Variants in TSG101 observed in about 807,000 individuals in gnomAD.
The protein encoded by TSG101 is tumor susceptibility gene 101 protein.
In TSG101, 19 loss-of-function variants were observed where a neutral mutation model predicts 48.5. That is an observed-to-expected ratio of 0.39 (90% CI 0.27 to 0.58). TSG101 has a LOEUF of 0.58. TSG101 is among the 20% of genes least tolerant of loss of function. TSG101 has a pLI of 0.55. For missense variants in TSG101, 365 were observed against 484.4 expected, an observed-to-expected ratio of 0.75 and a Z score of 2.31; for synonymous variants, 174 against 169.4, an observed-to-expected ratio of 1.03 and a Z score of -0.21.
intron 7 of TSG101, among the ~76,000 whole-genome samples, chr11:18,495,719 G>A (rs536244990): frequency 3.5e-5 from 5 of 143,922 alleles, no homozygotes; most frequent in South Asian, 2.2e-4. Context: ...ATTATTCACC[G>A]ACTACCACCT....
intron 9 of TSG101, 23 bp from the exon 10 acceptor site, chr11:18,480,658 A>ATAGTT (rs755845440): frequency 2.5e-6 from 4 of 1,604,524 alleles, no homozygotes; most frequent in East Asian, 2.2e-5. Flanking sequence ...AAAAGTTTGA[A>ATAGTT]TAGTTTAGAA....
At chr11:18,489,347 G>A (rs1420005129) in intron 7 of TSG101, among the ~76,000 whole-genome samples, 1 of 151,788 alleles carries the variant, frequency 6.6e-6, no homozygotes. Flanking sequence ...CGATCCTCCT[G>A]CCTCGGCCTC....
At chr11:18,495,604 T>C (rs1263671039) in intron 7 of TSG101, among the ~76,000 whole-genome samples, 2 of 152,100 alleles carry the variant, frequency 1.3e-5, no homozygotes, top group Non-Finnish European at 2.9e-5. Flanking sequence ...GTTTATGTTT[T>C]GCTCCTACAG....
intron 1 of TSG101, among the ~76,000 whole-genome samples, chr11:18,525,028 A>G (rs1461046985): frequency 1.3e-5 from 2 of 149,964 alleles, no homozygotes; most frequent in Non-Finnish European, 3.0e-5. Flanking sequence ...CTCCCATCTC[A>G]GCCTCCCGAG....
chr11:18,490,426 T>A, intron 7 of TSG101: 1 of 579,574 alleles, frequency 1.7e-6, no homozygotes, highest in Non-Finnish European at 3.3e-6. Context: ...GAGTTTAGAA[T>A]CTCATAGTAA....
At chr11:18,524,745 G>C (rs1159180973) in intron 1 of TSG101, among the ~76,000 whole-genome samples, 1 of 152,038 alleles carries the variant, frequency 6.6e-6, no homozygotes, top group African/African-American at 2.4e-5. Flanking sequence ...TGGGTGGAGG[G>C]GAAGGCAGGT....
At chr11:18,490,946 T>A (rs961009881) in intron 7 of TSG101, 1 of 329,862 alleles carries the variant, frequency 3.0e-6, no homozygotes, top group Non-Finnish European at 6.0e-6. Context: ...CCAGCTCACT[T>A]TTATCCAGTC....
chr11:18,503,281 G>A lies in TSG101; in HGVS notation c.549-704C>T, dbSNP rs555131718. ...ATAGGAGTCCTAAATTTGCATTTTG[G>A]AAGACACTCAACTATTTGGAGACTC... is the stretch of plus-strand genomic sequence containing the variant. On this transcript the variant is annotated intron_variant, in intron 6 of 9. Transcript: ENST00000251968. Among the ~76,000 whole-genome samples, 6 of 152,024 alleles carry A rather than the reference G, an allele frequency of 3.9e-5. No homozygotes were observed. The South Asian group carries it at 1.2e-3, about 32-fold the overall frequency.
chr11:18,490,832 T>C lies in TSG101; in HGVS notation c.641-6760A>G, dbSNP rs534675707. On this transcript the variant is annotated intron_variant, in intron 7 of 9. Transcript: ENST00000251968. ...GTTCTTGTAGGCAACAGAGAGCAGA[T>C]TTCTCTCTTCGTTGGAGTATTCATG... is the stretch of plus-strand genomic sequence containing the variant. 8.8e-5 allele frequency: 48 copies of C among 545,584 alleles called. 1 individual carries two copies. Among genetic ancestry groups the C allele is most frequent in the South Asian group, 7.0e-4 (47 of 67,328 alleles). 33.8% of individuals were successfully genotyped at this position (545,584 alleles called of 1,614,324 possible).
chr11:18,503,461 T>C (rs11024690), intron 6 of TSG101, among the ~76,000 whole-genome samples: 55,230 of 150,390 alleles, frequency 0.37, 10,648 homozygotes, highest in East Asian at 0.66. Flanking sequence ...CAAGCTCCAC[T>C]TCCTGGGTTC....
chr11:18,523,584 C>G (rs1850316632), intron 1 of TSG101, among the ~76,000 whole-genome samples: 2 of 152,154 alleles, frequency 1.3e-5, no homozygotes, highest in South Asian at 4.1e-4. Flanking sequence ...CTCACTGCAA[C>G]CTCTGCCTCC....
rs1412199504 is a variant in TSG101, at chr11:18,490,878, CG to C, written c.641-6807del. 5.8e-6 allele frequency: 3 copies of C among 514,114 alleles called. No individual in the cohort carries two copies. In the East Asian group the frequency reaches 1.5e-4, roughly 26 times the overall value. 31.8% of individuals were successfully genotyped at this position (514,114 alleles called of 1,614,324 possible). On this transcript the variant is annotated intron_variant, in intron 7 of 9. Transcript: ENST00000251968. ...TCATGCCTCGTTCTGTGACTGCCTT[CG>C]TGACTACAGCCATATCATCATAGCG...
At chr11:18,526,308 T>C (rs1339591848) in intron 1 of TSG101, among the ~76,000 whole-genome samples, 1 of 152,216 alleles carries the variant, frequency 6.6e-6, no homozygotes, top group East Asian at 1.9e-4. Context: ...TTCGCTTCTT[T>C]TCTGGAGAAT....
At chr11:18,499,402 A>ATTTTTTTTTTTTTTTTTTTTTT (rs1160424288) in intron 7 of TSG101, among the ~76,000 whole-genome samples, 1 of 5,456 alleles carries the variant, frequency 1.8e-4, no homozygotes, top group Non-Finnish European at 3.5e-4. Flanking sequence ...ATATATATAT[A>ATTTTTTTTTTTTTTTTTTTTTT]TTTTTTTTTT....
intron 7 of TSG101, among the ~76,000 whole-genome samples, chr11:18,486,236 G>A (rs1849618719): frequency 6.6e-6 from 1 of 152,248 alleles, no homozygotes. Context: ...ACAAGAACTC[G>A]GGAACCAGCG....
chr11:18,525,648 C>T, intron 1 of TSG101: 3 of 980,080 alleles, frequency 3.1e-6, no homozygotes, highest in Non-Finnish European at 3.6e-6. Flanking sequence ...AAAGTTACAA[C>T]ATGGATCTTT....
In TSG101 at chr11:18,514,736, C is replaced by T; in HGVS notation, c.299G>A (p.Gly100Glu). The T allele has an allele frequency of 1.3e-6, 2 of 1,593,960 alleles. No individual in the cohort carries two copies. The highest frequency in any genetic ancestry group is 1.7e-6 in the Non-Finnish European group (2 of 1,173,448). Reference protein sequence around the residue: ...KPTSSMTIKTGKHVDANGKIY... With the variant: ...KPTSSMTIKTEKHVDANGKIY... ...CTTCCCATTTGCATCAACATGCTTT[C>T]CTGTTTTAATAGTCATTGAACTAGT... The change falls in exon 4 of 10, where the codon GGA (glycine) becomes GAA (glutamate). Residue 100 changes from glycine (G) to glutamate (E), a missense_variant. By Grantham distance (98) the Gly-to-Glu change is moderately conservative. Coordinates refer to ENST00000251968, the MANE Select transcript of TSG101 (RefSeq NM_006292.4).
intron 1 of TSG101, 123 bp from the exon 2 acceptor site, chr11:18,519,726 A>C (rs1284323344): frequency 3.1e-6 from 2 of 653,506 alleles, no homozygotes; most frequent in Non-Finnish European, 5.3e-6. Context: ...AAAGAACCTA[A>C]AAAACCCATA....
chr11:18,502,551 G>A lies in TSG101; in HGVS notation c.575C>T (p.Pro192Leu). ...TGTTGTGGCAGGATATGGACCACCA[G>A]GTGGGTAAGGACAGCCTGGGTAACC... ...PSGYPGCPYP[P>L]GGPYPATTSS... The change falls in exon 7 of 10, where the codon CCT becomes CTT. Residue 192 changes from proline to leucine, a missense_variant. Coordinates refer to ENST00000251968, the MANE Select transcript of TSG101 (RefSeq NM_006292.4). The A allele has an allele frequency of 1.9e-6, 3 of 1,612,894 alleles. No individual in the cohort carries two copies. Among genetic ancestry groups the A allele is most frequent in the East Asian group, 4.5e-5 (2 of 44,828 alleles).
Sources: gnomAD v4.1 joint callset for allele counts (sites outside exome capture counted in the v4.1 genomes callset) on GRCh38, gnomAD v4.1.1 for gene constraint, MANE v1.5 for transcripts, NCBI Gene and HGNC (gene_info 2026-07-23, HGNC 2026-07-21) for gene names.